PGBD5: variants seen among roughly 807,000 people sequenced by gnomAD.
PGBD5 encodes the protein piggyBac transposable element-derived protein 5.
Under a neutral mutation model 47.9 loss-of-function variants are expected in PGBD5, and 14 were observed. The ratio of observed to expected loss-of-function variants is 0.29; its 90% CI spans 0.19 to 0.46. PGBD5 has a LOEUF of 0.46. Among genes scored for constraint, PGBD5 ranks in the 20% least tolerant of loss-of-function variants. The probability of loss-of-function intolerance (pLI) is 1.00; values close to 1 mark genes in which losing one functional copy is unlikely to be tolerated. For missense variants in PGBD5, 635 were observed against 716.0 expected (o/e 0.89, Z 1.29); for synonymous variants, 316 against 306.3 (o/e 1.03, Z -0.33).
intron 3 of PGBD5, among the ~76,000 whole-genome samples, chr1:230,343,770 G>T (rs1667439963): frequency 1.3e-5 from 2 of 152,184 alleles, no homozygotes; most frequent in African/African-American, 4.8e-5. Flanking sequence ...ATTTCACTTA[G>T]TATGTAAAAA....
intron 1 of PGBD5, among the ~76,000 whole-genome samples, chr1:230,396,096 C>CCTTGCTTCCG (rs1491299702): frequency 2.0e-5 from 3 of 148,642 alleles, no homozygotes; most frequent in African/African-American, 7.5e-5. Context: ...CTTTCTGCTC[C>CCTTGCTTCCG]TCCTACTGCT....
At chr1:230,406,222 G>A (rs1392387316) in intron 1 of PGBD5, among the ~76,000 whole-genome samples, 1 of 151,228 alleles carries the variant, frequency 6.6e-6, no homozygotes, top group East Asian at 1.9e-4. Context: ...GCAGGAGAAT[G>A]GCGTGAACCC....
intron 2 of PGBD5, among the ~76,000 whole-genome samples, chr1:230,352,103 G>A (rs201825950): frequency 4.7e-5 from 2 of 42,120 alleles, no homozygotes; most frequent in Non-Finnish European, 9.1e-5. Flanking sequence ...GCCCTAGATC[G>A]GGGTCAGCAA....
intron 1 of PGBD5, among the ~76,000 whole-genome samples, chr1:230,359,674 T>G (rs1667713346): frequency 6.6e-6 from 1 of 152,170 alleles, no homozygotes. Context: ...CAGCGTGAAA[T>G]AAATGAGATC....
intron 4 of PGBD5, among the ~76,000 whole-genome samples, chr1:230,333,844 C>T (rs1047013960): frequency 2.0e-5 from 3 of 152,144 alleles, no homozygotes; most frequent in African/African-American, 2.4e-5. Context: ...AAACACCCAC[C>T]GCGGACTTGC....
chr1:230,369,485 G>C (rs1667894815), intron 1 of PGBD5, among the ~76,000 whole-genome samples: 1 of 152,188 alleles, frequency 6.6e-6, no homozygotes, highest in Non-Finnish European at 1.5e-5. Flanking sequence ...CACAGGGCTG[G>C]AATCACTGGT....
intron 1 of PGBD5, among the ~76,000 whole-genome samples, chr1:230,402,241 A>T (rs1186695895): frequency 6.6e-6 from 1 of 152,238 alleles, no homozygotes; most frequent in African/African-American, 2.4e-5. Context: ...TTCACACACA[A>T]GTCATCACCC....
At chr1:230,392,893 G>A (rs1349735003) in intron 1 of PGBD5, among the ~76,000 whole-genome samples, 1 of 152,000 alleles carries the variant, frequency 6.6e-6, no homozygotes, top group African/African-American at 2.4e-5. Context: ...AGAGCCTGGA[G>A]CAGCAGGAGC....
At chr1:230,353,534 G>A (rs143271087) in intron 2 of PGBD5, among the ~76,000 whole-genome samples, 4 of 152,198 alleles carry the variant, frequency 2.6e-5, no homozygotes, top group African/African-American at 4.8e-5. Flanking sequence ...GGAATAAAAC[G>A]GCTCCCAAGA....
intron 1 of PGBD5, among the ~76,000 whole-genome samples, chr1:230,363,603 A>C (rs1397220696): frequency 6.6e-6 from 1 of 151,770 alleles, no homozygotes; most frequent in Non-Finnish European, 1.5e-5. Flanking sequence ...AAGTGGCTTT[A>C]TGTGCCTTCT....
At chr1:230,347,479 T>TC (rs201086791) in intron 3 of PGBD5, among the ~76,000 whole-genome samples, 45 of 145,114 alleles carry the variant, frequency 3.1e-4, no homozygotes, top group East Asian at 7.9e-4. Flanking sequence ...TTCTTTTCTT[T>TC]TTTTTTTTTT....
intron 1 of PGBD5, among the ~76,000 whole-genome samples, chr1:230,388,606 A>G (rs1447589308): frequency 6.6e-6 from 1 of 152,020 alleles, no homozygotes; most frequent in African/African-American, 2.4e-5. Flanking sequence ...TAGTGGAGAC[A>G]GGGTTTCACC....
At chr1:230,377,801 T>A (rs1371877454) in intron 1 of PGBD5, among the ~76,000 whole-genome samples, 2 of 152,244 alleles carry the variant, frequency 1.3e-5, no homozygotes, top group Non-Finnish European at 2.9e-5. Flanking sequence ...GGATAAGCAC[T>A]GGCCATCATT....
intron 1 of PGBD5, among the ~76,000 whole-genome samples, chr1:230,370,234 T>C (rs925957237): frequency 1.3e-5 from 2 of 152,170 alleles, no homozygotes; most frequent in Admixed American, 6.5e-5. Context: ...GCTGGTCCCA[T>C]CGTGGCCTCC....
chr1:230,360,249 G>A (rs1267034584), intron 1 of PGBD5, among the ~76,000 whole-genome samples: 1 of 152,200 alleles, frequency 6.6e-6, no homozygotes, highest in African/African-American at 2.4e-5. Context: ...GAACTGGGAA[G>A]CAGCCAGCTC....
At position 230,357,216 on chromosome 1, in the gene PGBD5, G is replaced by C. The variant is rs1169115694; in HGVS notation, c.437C>G (p.Ala146Gly). 1.2e-6 allele frequency: 2 copies of C among 1,614,110 alleles called. No homozygotes were observed. The highest frequency in any genetic ancestry group is 2.7e-5 in the African/African-American group (2 of 75,010). Residue 146 changes from alanine (A) to glycine (G), a missense_variant, in exon 2 of 7, where the codon GCC (alanine) becomes GGC (glycine). Ala to Gly is a moderately conservative substitution (Grantham distance 60). Coordinates refer to ENST00000391860, the MANE Select transcript of PGBD5 (RefSeq NM_001258311.2). This position sits in a 1 kb window ranked among gnomAD's most constrained non-coding sequence, Gnocchi z 5.7. ...CCCAAACCGCTCCTGGAACTTCTTG[G>C]CATACATGTTTGTCTGCACCACCAT... ...KNMVVQTNMY[A>G]KKFQERFGSD... is the part of the protein sequence containing the mutation.
At chr1:230,419,643 G>A (rs374823155) in intron 1 of PGBD5, among the ~76,000 whole-genome samples, 6 of 152,182 alleles carry the variant, frequency 3.9e-5, no homozygotes, top group Admixed American at 1.3e-4. Context: ...ATCGCATACC[G>A]GTTTGCTGCC....
At chr1:230,369,302 T>C (rs149077191) in intron 1 of PGBD5, among the ~76,000 whole-genome samples, 6 of 152,304 alleles carry the variant, frequency 3.9e-5, no homozygotes, top group African/African-American at 1.4e-4. Context: ...GATGAAGACA[T>C]CAACGAAATC....
intron 1 of PGBD5, among the ~76,000 whole-genome samples, chr1:230,424,508 C>T (rs1241108610): frequency 6.6e-6 from 1 of 152,232 alleles, no homozygotes; most frequent in African/African-American, 2.4e-5. Flanking sequence ...CAGGCTGCAG[C>T]ATGATGCCCA....
Sources: gnomAD v4.1 joint callset for allele counts (sites outside exome capture counted in the v4.1 genomes callset) on GRCh38, gnomAD v4.1.1 for gene constraint, Gnocchi (gnomAD v3.1) non-coding constraint, MANE v1.5 for transcripts, NCBI Gene and HGNC (gene_info 2026-07-23, HGNC 2026-07-21) for gene names.